LMO7: variants seen among roughly 807,000 people sequenced by gnomAD.
LMO7 encodes LIM domain only protein 7.
A neutral mutation model predicts 206.5 loss-of-function variants in LMO7; 120 were observed. The ratio of observed to expected loss-of-function variants is 0.58; its 90% confidence interval spans 0.50 to 0.68. The LOEUF is 0.68. Among genes scored for constraint, LMO7 ranks in the 30% least tolerant of loss-of-function variants. The pLI is 0.00. For synonymous variants in LMO7, 706 were observed against 681.5 expected (o/e 1.04, Z -0.56); for missense variants, 1,959 against 1,957.9 (o/e 1.00, Z -0.01).
rs150847120 is a variant in LMO7, at chr13:75,815,633, G to A, written c.1947-1528G>A. Among the ~76,000 whole-genome samples the A allele has an allele frequency of 4.3e-3, 655 of 152,320 alleles. 7 individuals are homozygous for A. Among genetic ancestry groups the A allele is most frequent in the African/African-American group, 0.015 (612 of 41,566 alleles). On this transcript the variant is annotated intron_variant, in intron 11 of 30. Transcript: ENST00000377534. ...TAAGAAGTTATGTATACTGGTAAAG[G>A]GCTTTTGAATCAGAGGAAATAGTTT...
intron 11 of LMO7, among the ~76,000 whole-genome samples, chr13:75,810,651 GA>G (rs146530270): frequency 1.6e-4 from 24 of 152,288 alleles, no homozygotes; most frequent in Non-Finnish European, 2.6e-4. Context: ...GTAACTTTCA[GA>G]AAAATTTTCA....
intron 3 of LMO7, among the ~76,000 whole-genome samples, chr13:75,748,089 A>G (rs1229188967): frequency 6.6e-6 from 1 of 152,186 alleles, no homozygotes; most frequent in South Asian, 2.1e-4. Context: ...TTATGAGCCA[A>G]GGAATGCAGG....
intron 3 of LMO7, among the ~76,000 whole-genome samples, chr13:75,756,379 C>T (rs764894274): frequency 1.3e-5 from 2 of 152,024 alleles, no homozygotes; most frequent in African/African-American, 2.4e-5. Context: ...ATTAAGAGAC[C>T]CTTAATTCTC....
intron 1 of LMO7, among the ~76,000 whole-genome samples, chr13:75,682,771 C>T (rs188258712): frequency 3.0e-4 from 46 of 152,214 alleles, no homozygotes; most frequent in Middle Eastern, 3.4e-3. Flanking sequence ...TTAAAAGCAA[C>T]GCATGTCATA....
At chr13:75,779,412 G>A (rs892225759) in intron 4 of LMO7, among the ~76,000 whole-genome samples, 33 of 152,252 alleles carry the variant, frequency 2.2e-4, no homozygotes, top group African/African-American at 6.0e-4. Flanking sequence ...AAATGGGAAC[G>A]TTGAAATTGA....
At chr13:75,741,061 TAG>T (rs2046369381) in intron 3 of LMO7, among the ~76,000 whole-genome samples, 1 of 152,206 alleles carries the variant, frequency 6.6e-6, no homozygotes, top group African/African-American at 2.4e-5. Context: ...CATTTCCTAA[TAG>T]AGACAGTGAA....
intron 1 of LMO7, among the ~76,000 whole-genome samples, chr13:75,666,329 G>A (rs2039071464): frequency 6.6e-6 from 1 of 152,214 alleles, no homozygotes; most frequent in Admixed American, 6.5e-5. Flanking sequence ...GATTAATTTG[G>A]AAGTTGTATG....
At chr13:75,839,659 A>T (rs2059413789) in intron 20 of LMO7, 1 of 154,190 alleles carries the variant, frequency 6.5e-6, no homozygotes, top group Admixed American at 6.5e-5. Context: ...TGTGACTTGC[A>T]GCTGTCATGT....
At chr13:75,812,064 T>C (rs2056459350) in intron 11 of LMO7, among the ~76,000 whole-genome samples, 1 of 152,192 alleles carries the variant, frequency 6.6e-6, no homozygotes, top group Non-Finnish European at 1.5e-5. Flanking sequence ...AGGAGACATT[T>C]GGCAATGTCT....
chr13:75,626,591 A>T (rs1412380375), intron 2 of LMO7, among the ~76,000 whole-genome samples: 20,040 of 94,998 alleles, frequency 0.21, 4,148 homozygotes, highest in East Asian at 0.54. Context: ...ATATATATAT[A>T]TAAATTTTTT....
intron 3 of LMO7, among the ~76,000 whole-genome samples, chr13:75,734,447 T>G (rs1594623661): frequency 6.6e-6 from 1 of 152,222 alleles, no homozygotes; most frequent in Non-Finnish European, 1.5e-5. Flanking sequence ...ACCTTACTAT[T>G]TTTACACTAT....
At chr13:75,840,571 G>A (rs2059485879) in intron 22 of LMO7, 76 bp downstream of exon 22, 5 of 1,528,422 alleles carry the variant, frequency 3.3e-6, no homozygotes, top group East Asian at 2.4e-5. Context: ...AACCAGTATT[G>A]AGAAACTAAT....
intron 3 of LMO7, among the ~76,000 whole-genome samples, chr13:75,730,807 T>C (rs7985435): frequency 0.39 from 41,046 of 105,934 alleles, 8,331 homozygotes; most frequent in East Asian, 0.6. Context: ...TGAATGTGTC[T>C]CAGAGATTCT....
chr13:75,858,090 G>A lies in LMO7; in HGVS notation c.*147G>A, dbSNP rs2061111243. On this transcript the variant is annotated 3_prime_UTR_variant, in exon 31 of 31. Coordinates refer to ENST00000377534, the MANE Select transcript of LMO7 (RefSeq NM_001306080.2). ...TTTTGCCTCTTTAGATTACATAGAA[G>A]CATTGTAGTCTTGGTAGAACCAGTA... The A allele has an allele frequency of 7.8e-6, 6 of 768,220 alleles. No homozygotes were observed. In the East Asian group the frequency reaches 1.7e-4, roughly 22 times the overall value. 47.6% of individuals were successfully genotyped at this position (768,220 alleles called of 1,614,324 possible). A position where few individuals can be genotyped will look rare whatever the true frequency, so the allele number is the denominator to read the frequency against.
intron 30 of LMO7, 123 bp downstream of exon 30, chr13:75,856,731 A>G: frequency 1.5e-6 from 1 of 670,078 alleles, no homozygotes; most frequent in East Asian, 2.6e-5. Flanking sequence ...CCAGGTTTCA[A>G]GAATTGTAGT....
chr13:75,835,408 A>T, intron 18 of LMO7, 69 bp downstream of exon 18: 2 of 966,836 alleles, frequency 2.1e-6, no homozygotes, highest in Admixed American at 5.7e-5. Context: ...GTATGGAAGA[A>T]AATAATTTCT....
At chr13:75,752,641 C>A (rs1391615589) in intron 3 of LMO7, among the ~76,000 whole-genome samples, 1 of 152,140 alleles carries the variant, frequency 6.6e-6, no homozygotes, top group Non-Finnish European at 1.5e-5. Flanking sequence ...ACTCTACTTC[C>A]ATTTGTATAC....
intron 1 of LMO7, among the ~76,000 whole-genome samples, chr13:75,655,171 A>T (rs2037934824): frequency 6.6e-6 from 1 of 152,152 alleles, no homozygotes. Flanking sequence ...GTGCCTGGCC[A>T]ATAATACATC....
intron 3 of LMO7, among the ~76,000 whole-genome samples, chr13:75,750,377 C>CTTTTTTTT (rs34407423): frequency 1.1e-5 from 1 of 93,384 alleles, no homozygotes; most frequent in African/African-American, 4.2e-5. Context: ...CTGGGGGATC[C>CTTTTTTTT]TTTTTTTTTT....
Sources: allele counts gnomAD v4.1 joint callset (sites outside exome capture counted in the v4.1 genomes callset), GRCh38; gene constraint gnomAD v4.1.1; transcripts MANE v1.5; gene names NCBI Gene and HGNC (gene_info 2026-07-23, HGNC 2026-07-21).